Variants in SAMD3 observed in about 807,000 individuals in gnomAD.
SAMD3 encodes sterile alpha motif domain containing 3, also known as sterile alpha motif domain-containing protein 3.
Under a neutral mutation model 58.5 loss-of-function variants are expected in SAMD3, and 63 were observed. The ratio of observed to expected loss-of-function variants is 1.08; its 90% CI spans 0.88 to 1.33. SAMD3 has a LOEUF of 1.33. Among genes scored for constraint, SAMD3 ranks in the 40% most tolerant of loss-of-function variants. The pLI is 0.00. For synonymous variants in SAMD3, 220 were observed against 210.3 expected (o/e 1.05, Z -0.40); for missense variants, 604 against 608.4 (o/e 0.99, Z 0.08).
At chr6:130,309,291 TA>T (rs1562513828) in intron 2 of SAMD3, among the ~76,000 whole-genome samples, 1 of 152,204 alleles carries the variant, frequency 6.6e-6, no homozygotes, top group African/African-American at 2.4e-5. Flanking sequence ...TCTGTGTTTA[TA>T]ACCCAGCTCT....
chr6:130,183,392 G>A, intron 7 of SAMD3: 1 of 454,618 alleles, frequency 2.2e-6, no homozygotes, highest in South Asian at 1.6e-5. Context: ...GCATCCTGAG[G>A]GTCTGTTTTT....
chr6:130,301,397 G>C (rs1040936736), intron 2 of SAMD3, among the ~76,000 whole-genome samples: 2 of 152,068 alleles, frequency 1.3e-5, no homozygotes, highest in African/African-American at 4.8e-5. Flanking sequence ...TCTTTACAAG[G>C]AGAACTGCAT....
chr6:130,311,768 C>T (rs889122202), intron 2 of SAMD3, among the ~76,000 whole-genome samples: 1 of 152,128 alleles, frequency 6.6e-6, no homozygotes, highest in South Asian at 2.1e-4. Context: ...ATGAGATGGA[C>T]TGGAGCAGTT....
intron 7 of SAMD3, 110 bp downstream of exon 7, chr6:130,183,983 TGAGAGAGAGA>T: frequency 1.4e-6 from 1 of 701,482 alleles, no homozygotes. Context: ...ATAGACAGAA[TGAGAGAGAGA>T]GAGAGAGACA....
chr6:130,199,878 T>C (rs1794481108), intron 5 of SAMD3, among the ~76,000 whole-genome samples: 1 of 152,196 alleles, frequency 6.6e-6, no homozygotes, highest in Admixed American at 6.5e-5. Context: ...CCCAGGGCTC[T>C]CACACCTGGC....
At chr6:130,199,952 A>T (rs1433899097) in intron 5 of SAMD3, among the ~76,000 whole-genome samples, 2 of 152,180 alleles carry the variant, frequency 1.3e-5, no homozygotes, top group African/African-American at 4.8e-5. Context: ...CCTATAATCA[A>T]GCACAAAGAA....
chr6:130,197,503 C>T (rs1234085526), intron 5 of SAMD3, among the ~76,000 whole-genome samples: 1 of 152,138 alleles, frequency 6.6e-6, no homozygotes, highest in African/African-American at 2.4e-5. Context: ...AATTCTTAGA[C>T]CTTTTATACC....
intron 1 of SAMD3, among the ~76,000 whole-genome samples, chr6:130,332,080 G>A (rs926466728): frequency 2.6e-5 from 4 of 152,172 alleles, no homozygotes; most frequent in Non-Finnish European, 5.9e-5. Context: ...ATACAATGAT[G>A]GTTGAATTAG....
chr6:130,209,924 T>C (rs1282995924), intron 4 of SAMD3, among the ~76,000 whole-genome samples: 2 of 152,248 alleles, frequency 1.3e-5, no homozygotes, highest in Non-Finnish European at 2.9e-5. Context: ...GTATCTTTTT[T>C]AGCTAATATT....
intron 5 of SAMD3, among the ~76,000 whole-genome samples, chr6:130,190,647 C>T (rs146810693): frequency 1.3e-5 from 2 of 151,960 alleles, no homozygotes; most frequent in African/African-American, 4.8e-5. Flanking sequence ...ATGATCCAAT[C>T]TGAAAAACAC....
chr6:130,232,840 G>A (rs1796584629), intron 2 of SAMD3, among the ~76,000 whole-genome samples: 1 of 152,170 alleles, frequency 6.6e-6, no homozygotes, highest in Non-Finnish European at 1.5e-5. Context: ...TATTTGCTAA[G>A]ATAACCAATA....
Position 130,214,372 on chromosome 6 carries a change from C to T in SAMD3, c.234G>A (p.Lys78=). The T allele has an allele frequency of 6.2e-7, 1 of 1,608,124 alleles. No individual in the cohort carries two copies. Among genetic ancestry groups the T allele is most frequent in the South Asian group, 1.1e-5 (1 of 89,988 alleles). ...CTTCTGTTTGCATGACCAGGGCTGC[C>T]TTTTTGGGGTTTTCTGGGGACTTCA... ...QGLKSPENPK[K]AALVMQTEAA... Residue 78 remains lysine (K), a synonymous_variant, in exon 4 of 12, where the codon AAG becomes AAA. Coordinates refer to ENST00000439090, the MANE Select transcript of SAMD3 (RefSeq NM_001017373.4).
chr6:130,176,946 C>T lies in SAMD3; in HGVS notation c.655-938G>A, dbSNP rs112966505. Among the ~76,000 whole-genome samples, 95 of 152,196 alleles carry T rather than the reference C, an allele frequency of 6.2e-4. 1 individual carries two copies. The highest frequency in any genetic ancestry group is 1.9e-3 in the African/African-American group (80 of 41,544). On this transcript the variant is annotated intron_variant, in intron 7 of 11. Transcript: ENST00000439090. Reference sequence around the variant, plus strand: ...AGAGAGGAGCCAGCCCAATCATCAACGGCCATGGTCACCCCATTAAGGAAC... The same window carrying T: ...AGAGAGGAGCCAGCCCAATCATCAATGGCCATGGTCACCCCATTAAGGAAC...
intron 10 of SAMD3, 74 bp from the exon 11 acceptor site, chr6:130,145,496 A>G (rs1394293140): frequency 7.0e-6 from 7 of 1,000,444 alleles, no homozygotes; most frequent in African/African-American, 1.6e-5. Flanking sequence ...TAGTATTGAA[A>G]CATCTGGATT....
chr6:130,335,087 C>T (rs746731141), intron 1 of SAMD3, among the ~76,000 whole-genome samples: 13 of 152,188 alleles, frequency 8.5e-5, no homozygotes, highest in East Asian at 1.9e-4. Context: ...GGCTCCCAGC[C>T]GCTATTTTTC....
upstream of SAMD3, among the ~76,000 whole-genome samples, chr6:130,226,391 C>T (rs1796382961): frequency 6.6e-6 from 1 of 152,124 alleles, no homozygotes. Context: ...TTATGATCAG[C>T]CAAGTTTGAG....
intron 8 of SAMD3, chr6:130,162,165 G>A: frequency 1.5e-6 from 1 of 663,892 alleles, no homozygotes; most frequent in Non-Finnish European, 2.7e-6. Flanking sequence ...ACCAGTTTTG[G>A]CAACATAGAG....
chr6:130,320,152 G>A (rs1030621448), intron 1 of SAMD3, among the ~76,000 whole-genome samples: 3 of 151,954 alleles, frequency 2.0e-5, no homozygotes, highest in Non-Finnish European at 2.9e-5. Flanking sequence ...AATATCAAAC[G>A]CATATCTAAT....
chr6:130,214,597 A>T, intron 3 of SAMD3, 71 bp from the exon 4 acceptor site: 7 of 1,080,212 alleles, frequency 6.5e-6, no homozygotes, highest in Non-Finnish European at 9.0e-6. Flanking sequence ...AAGAGGCAAA[A>T]TTACCTCTAG....
Sources: gnomAD v4.1 joint callset for allele counts (sites outside exome capture counted in the v4.1 genomes callset) on GRCh38, gnomAD v4.1.1 for gene constraint, MANE v1.5 for transcripts, NCBI Gene and HGNC (gene_info 2026-07-23, HGNC 2026-07-21) for gene names.